The following CYBA variants were observed in gnomAD, a reference collection of about 807,000 sequenced individuals.
CYBA encodes cytochrome b-245 alpha chain, also known as cytochrome b-245 light chain.
A neutral mutation model predicts 20.8 loss-of-function variants in CYBA; 21 were observed. The ratio of observed to expected loss-of-function variants is 1.01; its 90% confidence interval spans 0.72 to 1.46. CYBA has a LOEUF of 1.46. Ranked by LOEUF, CYBA falls within the 40% of genes most tolerant of loss-of-function variation. The pLI, the probability that CYBA is intolerant of heterozygous loss-of-function variation, is 0.00. For missense variants in CYBA, 344 were observed against 287.0 expected (o/e 1.20, Z -1.43); for synonymous variants, 164 against 127.5 (o/e 1.29, Z -1.93).
chr16:88,646,130 C>G lies in CYBA; in HGVS notation c.355G>C (p.Gly119Arg). The G allele has an allele frequency of 4.5e-6, 7 of 1,555,462 alleles. No homozygotes were observed. Among genetic ancestry groups the G allele is most frequent in the Non-Finnish European group, 6.1e-6 (7 of 1,151,204 alleles). ...GCGCCACTCACCAGTAGGTAGATGC[C>G]GCTCGCAATGGCCAGGCAGGCGGTC... is the stretch of plus-strand genomic sequence containing the variant. ...LGTACLAIAS[G>R]IYLLAAVRGE... is the part of the protein sequence containing the mutation. The change falls in exon 5 of 6, where the codon GGC becomes CGC. Residue 119 changes from glycine to arginine, a missense_variant. Physicochemically the swap from Gly to Arg is moderately radical, Grantham distance 125. Coordinates refer to ENST00000261623, the MANE Select transcript of CYBA (RefSeq NM_000101.4).
chr16:88,646,729 AGAGGGGGTGCGG>A lies in CYBA; in HGVS notation c.287+14_287+25del. 1 of 1,598,226 alleles carries A rather than the reference AGAGGGGGTGCGG, an allele frequency of 6.3e-7. No individual in the cohort carries two copies. Among genetic ancestry groups the A allele is most frequent in the African/African-American group, 1.3e-5 (1 of 74,680 alleles). ...TCGGCTCCAAGCCCTCCTGAGCCCT[AGAGGGGGTGCGG>A]GACGGGGACTCACAGGAGATGCAGG... On this transcript the variant is annotated intron_variant, in intron 4 of 5. Coordinates refer to ENST00000261623, the MANE Select transcript of CYBA (RefSeq NM_000101.4).
intron 5 of CYBA, chr16:88,645,175 C>G (rs954758644): frequency 1.4e-6 from 1 of 702,062 alleles, no homozygotes; most frequent in South Asian, 1.5e-5. Flanking sequence ...ACTAGCTGTG[C>G]GTGGCAGCAG....
At chr16:88,649,443 C>T (rs1907424531) in intron 1 of CYBA, among the ~76,000 whole-genome samples, 1 of 152,210 alleles carries the variant, frequency 6.6e-6, no homozygotes, top group Non-Finnish European at 1.5e-5. Context: ...TGCAAAGCTG[C>T]CGCTGGTGCC....
chr16:88,650,338 G>A (rs901518694), intron 1 of CYBA: 5 of 456,102 alleles, frequency 1.1e-5, no homozygotes, highest in Middle Eastern at 3.2e-4. Context: ...GAACCTCTGA[G>A]CAAATGCACA....
rs1299444711 is a variant in CYBA, at chr16:88,646,344, G to A, written c.288-147C>T. On this transcript the variant is annotated intron_variant, in intron 4 of 5. Coordinates refer to ENST00000261623, the MANE Select transcript of CYBA (RefSeq NM_000101.4). ...CGTGCGCGGACCGGGGCTTGTTTCG[G>A]TCCTGGGTGTTCTCAGCCTTGATGT... 2.5e-4 allele frequency: 130 copies of A among 518,598 alleles called. 1 individual carries two copies. Among genetic ancestry groups the A allele is most frequent in the South Asian group, 1.1e-3 (57 of 53,174 alleles). The allele number at this position is 518,598 out of a possible 1,614,324, so 32.1% of individuals were successfully genotyped here. A position where few individuals can be genotyped will look rare whatever the true frequency, so the allele number is the denominator to read the frequency against.
chr16:88,645,953 G>T (rs974411442), intron 5 of CYBA, 163 bp downstream of exon 5: 1 of 634,452 alleles, frequency 1.6e-6, no homozygotes, highest in Non-Finnish European at 2.8e-6. Flanking sequence ...AGCAGCAACC[G>T]CTGCGTCCCC....
At chr16:88,647,273 G>A in intron 2 of CYBA, 98 bp from the exon 3 acceptor site, 5 of 1,193,668 alleles carry the variant, frequency 4.2e-6, no homozygotes, top group Admixed American at 1.9e-5. Context: ...CGAGCACGGT[G>A]GCTCATGCCT....
intron 2 of CYBA, chr16:88,647,790 G>A (rs1434191650): frequency 5.2e-6 from 3 of 582,078 alleles, no homozygotes; most frequent in Non-Finnish European, 9.3e-6. Context: ...CTCAGTGCTG[G>A]CCCTGGCCCT....
At chr16:88,650,204 T>C in intron 1 of CYBA, 2 of 365,044 alleles carry the variant, frequency 5.5e-6, no homozygotes, top group South Asian at 3.9e-5. Flanking sequence ...TTCCTGGAGC[T>C]GCTGCAGTGG....
chr16:88,647,283 T>A, intron 2 of CYBA, 108 bp from the exon 3 acceptor site: 2 of 1,081,450 alleles, frequency 1.8e-6, no homozygotes, highest in Non-Finnish European at 2.7e-6. Flanking sequence ...GGCTCATGCC[T>A]GGAATCCCAG....
chr16:88,649,158 C>G (rs1008522667), intron 1 of CYBA, among the ~76,000 whole-genome samples: 2 of 150,772 alleles, frequency 1.3e-5, no homozygotes, highest in African/African-American at 2.4e-5. Flanking sequence ...AGGATGGTCT[C>G]GATCTCCTGA....
intron 1 of CYBA, among the ~76,000 whole-genome samples, chr16:88,649,423 C>T (rs1907423964): frequency 6.6e-6 from 1 of 152,160 alleles, no homozygotes; most frequent in African/African-American, 2.4e-5. Context: ...GCCTGCCATC[C>T]GAAAGAGGGT....
At position 88,643,953 on chromosome 16, in the gene CYBA, G is replaced by A. The variant is rs1284278535; in HGVS notation, c.370-382C>T. 6.6e-6 allele frequency among the ~76,000 whole-genome samples: 1 copy of A among 152,166 alleles called. No individual in the cohort carries two copies. Among genetic ancestry groups the A allele is most frequent in the Admixed American group, 6.5e-5 (1 of 15,284 alleles). ...GAGGGGTGGCCCAGGAGAGTAGCAGGCCCTGCTCCGTCTGGTGGGCGCCAT... is the reference window on the plus strand; with the variant it reads ...GAGGGGTGGCCCAGGAGAGTAGCAGACCCTGCTCCGTCTGGTGGGCGCCAT... On this transcript the variant is annotated intron_variant, in intron 5 of 5. Coordinates refer to ENST00000261623, the MANE Select transcript of CYBA (RefSeq NM_000101.4). This position sits in a 1 kb window ranked among gnomAD's most constrained non-coding sequence, Gnocchi z 4.3.
At position 88,643,729 on chromosome 16, in the gene CYBA, C is replaced by A; in HGVS notation, c.370-158G>T. ...CCACTCAGAGAGGTTAAGTGACGCG[C>A]CCGAGGCCACACAGCCAGGACCTGG... On this transcript the variant is annotated intron_variant, in intron 5 of 5. Coordinates refer to ENST00000261623, the MANE Select transcript of CYBA (RefSeq NM_000101.4). This position sits in a 1 kb window ranked among gnomAD's most constrained non-coding sequence, Gnocchi z 4.3. 1 of 726,234 alleles carries A rather than the reference C, an allele frequency of 1.4e-6. No homozygotes were observed. Among genetic ancestry groups the A allele is most frequent in the South Asian group, 1.7e-5 (1 of 58,656 alleles). 45.0% of individuals were successfully genotyped at this position (726,234 alleles called of 1,614,324 possible). A position where few individuals can be genotyped will look rare whatever the true frequency, so the allele number is the denominator to read the frequency against.
chr16:88,650,465 A>G, intron 1 of CYBA: 1 of 460,898 alleles, frequency 2.2e-6, no homozygotes, highest in Non-Finnish European at 4.3e-6. Flanking sequence ...GACCGCCTCC[A>G]GCGCAGACTC....
chr16:88,647,774 G>A (rs2142876885), intron 2 of CYBA: 1 of 560,046 alleles, frequency 1.8e-6, no homozygotes, highest in Non-Finnish European at 3.2e-6. Context: ...AGTCCAACAG[G>A]GAGGCCTCAG....
chr16:88,650,843 C>T (rs1907497635), intron 1 of CYBA, 113 bp downstream of exon 1: 20 of 1,217,834 alleles, frequency 1.6e-5, no homozygotes, highest in Non-Finnish European at 2.1e-5. Flanking sequence ...CCCGGCCCGG[C>T]CTGGCCCGCC....
intron 5 of CYBA, chr16:88,645,572 G>A (rs1197609398): frequency 1.8e-5 from 11 of 626,302 alleles, no homozygotes; most frequent in South Asian, 7.3e-5. Flanking sequence ...GCCAGGCTGC[G>A]CCCTGTCCTC....
In CYBA at chr16:88,650,962, C is replaced by G; in HGVS notation, c.52G>C (p.Gly18Arg). The G allele has an allele frequency of 6.3e-7, 1 of 1,592,402 alleles. No homozygotes were observed. The highest frequency in any genetic ancestry group is 8.5e-7 in the Non-Finnish European group (1 of 1,170,888). The change falls in exon 1 of 6, where the codon GGC (glycine) becomes CGC (arginine). Residue 18 changes from glycine (G) to arginine (R), a missense_variant. Transcript: ENST00000261623. ...MWANEQALAS[G>R]LILITGGIVA... is the part of the protein sequence containing the mutation. ...GTCCCTGACGTGCACTCACTCAGGC[C>G]GGACGCCAGCGCCTGTTCGTTGGCC...
Sources: allele counts gnomAD v4.1 joint callset (sites outside exome capture counted in the v4.1 genomes callset), GRCh38; gene constraint gnomAD v4.1.1; non-coding constraint Gnocchi (gnomAD v3.1); transcripts MANE v1.5; gene names NCBI Gene and HGNC (gene_info 2026-07-23, HGNC 2026-07-21).